The following ZNF280D variants were observed in gnomAD, a reference collection of about 807,000 sequenced individuals.
The protein encoded by ZNF280D is zinc finger protein 280D.
Under a neutral mutation model 94.7 loss-of-function variants are expected in ZNF280D, and 39 were observed. That is an observed-to-expected ratio of 0.41 (90% CI 0.32 to 0.54). ZNF280D has a LOEUF of 0.54. Among genes scored for constraint, ZNF280D ranks in the 20% least tolerant of loss-of-function variants. The pLI, the probability that ZNF280D is intolerant of heterozygous loss-of-function variation, is 0.22. For missense variants in ZNF280D, 1,090 were observed against 1,149.3 expected (o/e 0.95, Z 0.75); for synonymous variants, 398 against 377.6 (o/e 1.05, Z -0.63).
At chr15:56,637,986 C>G (rs1291308350) in intron 20 of ZNF280D, among the ~76,000 whole-genome samples, 1 of 152,090 alleles carries the variant, frequency 6.6e-6, no homozygotes, top group South Asian at 2.1e-4. Flanking sequence ...GTGAGTTGTA[C>G]TTAACCACAT....
intron 17 of ZNF280D, among the ~76,000 whole-genome samples, chr15:56,656,733 GCA>G (rs1241902468): frequency 6.6e-6 from 1 of 151,998 alleles, no homozygotes; most frequent in Admixed American, 6.6e-5. Context: ...TATGTGCCAG[GCA>G]CAGACAAAAA....
chr15:56,720,377 C>T (rs1410018140), intron 1 of ZNF280D, among the ~76,000 whole-genome samples: 3 of 152,160 alleles, frequency 2.0e-5, no homozygotes, highest in Admixed American at 1.3e-4. Context: ...CTTCTAAATC[C>T]GGCTCTCTTG....
At chr15:56,653,959 T>C in intron 19 of ZNF280D, 4 of 1,384,556 alleles carry the variant, frequency 2.9e-6, no homozygotes, top group Non-Finnish European at 3.7e-6. Context: ...ACTTGGCTGC[T>C]CAACTGCCTT....
At chr15:56,700,331 A>C (rs918435794) in intron 6 of ZNF280D, 16 of 449,988 alleles carry the variant, frequency 3.6e-5, no homozygotes, top group Admixed American at 6.4e-5. Context: ...TCAACTAAAA[A>C]ATGAGGATAA....
chr15:56,679,836 T>C (rs1209086258), intron 10 of ZNF280D, among the ~76,000 whole-genome samples: 1 of 152,216 alleles, frequency 6.6e-6, no homozygotes, highest in Non-Finnish European at 1.5e-5. Context: ...GAGTGGGCTA[T>C]GGTACACCTT....
intron 19 of ZNF280D, chr15:56,652,460 A>G (rs187582968): frequency 3.8e-6 from 1 of 265,910 alleles, no homozygotes; most frequent in African/African-American, 2.3e-5. Context: ...TACACCCTTT[A>G]TTCATTAGCA....
At chr15:56,653,477 C>A in intron 19 of ZNF280D, 5 of 1,505,640 alleles carry the variant, frequency 3.3e-6, no homozygotes, top group Non-Finnish European at 4.4e-6. Flanking sequence ...AAGAGCAGGT[C>A]CCACAGTCAA....
At chr15:56,729,023 G>T (rs1452344544) in intron 1 of ZNF280D, among the ~76,000 whole-genome samples, 1 of 152,096 alleles carries the variant, frequency 6.6e-6, no homozygotes. Context: ...GTAACCTATC[G>T]TAATTCAAGG....
At chr15:56,703,132 G>C (rs1335822921) in intron 4 of ZNF280D, among the ~76,000 whole-genome samples, 4 of 152,058 alleles carry the variant, frequency 2.6e-5, no homozygotes, top group African/African-American at 9.7e-5. Flanking sequence ...ATCAGTATCT[G>C]CACGTTAATA....
At chr15:56,715,952 T>C (rs575989312) in intron 1 of ZNF280D, among the ~76,000 whole-genome samples, 4 of 152,280 alleles carry the variant, frequency 2.6e-5, no homozygotes, top group African/African-American at 9.6e-5. Flanking sequence ...AACAACTATT[T>C]ACATAGCATT....
chr15:56,731,292 C>G (rs1447463566), intron 1 of ZNF280D, among the ~76,000 whole-genome samples: 1 of 151,952 alleles, frequency 6.6e-6, no homozygotes, highest in African/African-American at 2.4e-5. Flanking sequence ...CACTTGAACC[C>G]AGGAGTTTGA....
At chr15:56,695,604 AC>A (rs2141131063) in intron 6 of ZNF280D, among the ~76,000 whole-genome samples, 1 of 145,104 alleles carries the variant, frequency 6.9e-6, no homozygotes, top group East Asian at 2.0e-4. Context: ...ATCTTGGCTC[AC>A]TGCAACCTCC....
chr15:56,669,580 T>C (rs2054533388), intron 13 of ZNF280D, among the ~76,000 whole-genome samples: 1 of 150,978 alleles, frequency 6.6e-6, no homozygotes, highest in Admixed American at 6.7e-5. Flanking sequence ...ACTGTTTAAC[T>C]TTAATTAATT....
intron 7 of ZNF280D, among the ~76,000 whole-genome samples, chr15:56,692,347 C>T (rs557922): frequency 0.97 from 147,243 of 152,062 alleles, 71,462 homozygotes; most frequent in East Asian, 1. Context: ...CACTGATTTG[C>T]TAGTAAATCT....
chr15:56,719,597 C>T (rs2058235623), intron 1 of ZNF280D, among the ~76,000 whole-genome samples: 1 of 152,074 alleles, frequency 6.6e-6, no homozygotes, highest in African/African-American at 2.4e-5. Flanking sequence ...CAGAGAAAGA[C>T]ACCCTGACAT....
intron 1 of ZNF280D, among the ~76,000 whole-genome samples, chr15:56,711,533 A>G (rs1334084058): frequency 6.6e-6 from 1 of 152,028 alleles, no homozygotes; most frequent in African/African-American, 2.4e-5. Context: ...GGCATGGTGG[A>G]GCATGCCTGT....
At chr15:56,723,139 T>G (rs2058458066) in intron 1 of ZNF280D, among the ~76,000 whole-genome samples, 2 of 151,046 alleles carry the variant, frequency 1.3e-5, no homozygotes, top group South Asian at 2.1e-4. Flanking sequence ...GATGACGAGT[T>G]AGTGGGTGCA....
At chr15:56,644,893 T>G (rs2052803724) in intron 19 of ZNF280D, among the ~76,000 whole-genome samples, 1 of 152,196 alleles carries the variant, frequency 6.6e-6, no homozygotes, top group Non-Finnish European at 1.5e-5. Context: ...AGGCCTATGA[T>G]TTCAATCTTG....
At chr15:56,634,230 A>G (rs1471698460) in intron 21 of ZNF280D, 1 of 152,192 alleles carries the variant, frequency 6.6e-6, no homozygotes, top group Non-Finnish European at 1.5e-5. Flanking sequence ...TACTCTCATT[A>G]ATTTCAATCA....
Sources: allele counts gnomAD v4.1 joint callset (sites outside exome capture counted in the v4.1 genomes callset), GRCh38; gene constraint gnomAD v4.1.1; transcripts MANE v1.5; gene names NCBI Gene and HGNC (gene_info 2026-07-23, HGNC 2026-07-21).